FAM117B: variants seen among roughly 807,000 people sequenced by gnomAD.
FAM117B encodes the protein family with sequence similarity 117 member B.
FAM117B carries 22 observed loss-of-function variants against 52.8 expected under a neutral mutation model. The ratio of observed to expected loss-of-function variants is 0.42; its 90% CI spans 0.30 to 0.59. FAM117B has a LOEUF of 0.59. FAM117B is among the 20% of genes least tolerant of loss of function. The probability of loss-of-function intolerance (pLI) is 0.22; values close to 1 mark genes in which losing one functional copy is unlikely to be tolerated. For synonymous variants in FAM117B, 309 were observed against 324.1 expected, an observed-to-expected ratio of 0.95 and a Z score of 0.50; for missense variants, 678 against 802.6, an observed-to-expected ratio of 0.84 and a Z score of 1.88.
chr2:202,737,612 T>G (rs1691460481), intron 4 of FAM117B, among the ~76,000 whole-genome samples: 1 of 152,132 alleles, frequency 6.6e-6, no homozygotes, highest in Admixed American at 6.6e-5. Context: ...TTTAACTTTT[T>G]TTTTTTTGAG....
At chr2:202,664,607 C>A (rs1192190987) in intron 1 of FAM117B, among the ~76,000 whole-genome samples, 1 of 152,022 alleles carries the variant, frequency 6.6e-6, no homozygotes, top group Non-Finnish European at 1.5e-5. Flanking sequence ...AAGATAGGGT[C>A]CAACAGGGCA....
intron 1 of FAM117B, among the ~76,000 whole-genome samples, chr2:202,657,001 C>T (rs1690065215): frequency 6.6e-6 from 1 of 152,158 alleles, no homozygotes; most frequent in African/African-American, 2.4e-5. Flanking sequence ...TTTTACTATC[C>T]TTTCTATAAT....
At chr2:202,699,449 GAA>G (rs59522030) in intron 2 of FAM117B, among the ~76,000 whole-genome samples, 1,070 of 100,016 alleles carry the variant, frequency 0.011, 14 homozygotes, top group African/African-American at 0.036. Context: ...AAAAAAAAAA[GAA>G]AAAAAAAAAA....
intron 1 of FAM117B, among the ~76,000 whole-genome samples, chr2:202,643,211 G>A (rs1230442913): frequency 1.3e-5 from 2 of 152,106 alleles, no homozygotes; most frequent in Admixed American, 1.3e-4. Flanking sequence ...TACAGGATGT[G>A]GAAAACTTCA....
intron 1 of FAM117B, among the ~76,000 whole-genome samples, chr2:202,666,668 C>CTT (rs1157457357): frequency 0.036 from 4,552 of 125,756 alleles, 360 homozygotes; most frequent in African/African-American, 0.13. Context: ...CGTTTCATTT[C>CTT]TTTTTTTTTT....
intron 4 of FAM117B, among the ~76,000 whole-genome samples, chr2:202,747,931 C>A (rs1691659194): frequency 6.6e-6 from 1 of 152,046 alleles, no homozygotes; most frequent in Admixed American, 6.6e-5. Context: ...TGTTAAAGTA[C>A]CAATGACATT....
At chr2:202,749,378 C>G (rs1691686223) in intron 4 of FAM117B, among the ~76,000 whole-genome samples, 3 of 149,834 alleles carry the variant, frequency 2.0e-5, no homozygotes, top group South Asian at 4.5e-4. Context: ...AATTATGCAA[C>G]TATAAAAATG....
intron 1 of FAM117B, among the ~76,000 whole-genome samples, chr2:202,668,830 C>T (rs1242498934): frequency 6.6e-6 from 1 of 151,978 alleles, no homozygotes; most frequent in Non-Finnish European, 1.5e-5. Context: ...AATACTCAGT[C>T]CAAGAGAACT....
At chr2:202,714,530 TTTC>T (rs1691009299) in intron 2 of FAM117B, among the ~76,000 whole-genome samples, 1 of 139,920 alleles carries the variant, frequency 7.1e-6, no homozygotes, top group Non-Finnish European at 1.6e-5. Context: ...ATCTTTTTTT[TTTC>T]TTTTTTTTTT....
At chr2:202,742,561 C>A (rs1441825969) in intron 4 of FAM117B, among the ~76,000 whole-genome samples, 5 of 152,088 alleles carry the variant, frequency 3.3e-5, no homozygotes, top group Non-Finnish European at 5.9e-5. Context: ...ATGTAAACAA[C>A]AAAACCATGT....
At chr2:202,694,188 C>CTTTTT (rs757843381) in intron 1 of FAM117B, among the ~76,000 whole-genome samples, 28 of 99,058 alleles carry the variant, frequency 2.8e-4, no homozygotes, top group African/African-American at 4.4e-4. Context: ...AAACCCACTT[C>CTTTTT]TTTTTTTTTT....
chr2:202,636,135 C>T lies in FAM117B; in HGVS notation c.601+347C>T, dbSNP rs1453973425. On this transcript the variant is annotated intron_variant, in intron 1 of 7. Transcript: ENST00000392238. Reference sequence around the variant, plus strand: ...GGAGGAGTCGTTACTGCTTACCCTCCCTTGAGGGTGAGGCTAGGAGTGGTT... The same window carrying T: ...GGAGGAGTCGTTACTGCTTACCCTCTCTTGAGGGTGAGGCTAGGAGTGGTT... Among the ~76,000 whole-genome samples the T allele has an allele frequency of 2.6e-5, 4 of 152,216 alleles. No individual in the cohort carries two copies. The East Asian group carries it at 7.7e-4, about 29-fold the overall frequency.
chr2:202,663,981 A>G (rs1006205520), intron 1 of FAM117B, among the ~76,000 whole-genome samples: 2 of 152,250 alleles, frequency 1.3e-5, no homozygotes, highest in African/African-American at 4.8e-5. Flanking sequence ...TACAAGGTCT[A>G]TGAGGTTAAA....
intron 1 of FAM117B, among the ~76,000 whole-genome samples, chr2:202,685,589 C>A (rs978364422): frequency 1.1e-4 from 17 of 152,108 alleles, no homozygotes; most frequent in African/African-American, 4.1e-4. Context: ...ACTTACATTG[C>A]GTTTGGACAG....
At position 202,717,822 on chromosome 2, in the gene FAM117B, T is replaced by C. The variant is rs576436746; in HGVS notation, c.754-7095T>C. Among the ~76,000 whole-genome samples, 4 of 146,838 alleles carry C rather than the reference T, an allele frequency of 2.7e-5. No homozygotes were observed. The East Asian group carries it at 7.7e-4, about 28-fold the overall frequency. On this transcript the variant is annotated intron_variant, in intron 2 of 7. Coordinates refer to ENST00000392238, the MANE Select transcript of FAM117B (RefSeq NM_173511.4). Reference sequence around the variant, plus strand: ...CTATCTGGCTAATGCTTTTGATTGCTCAAGGCCCTGGGCTCTGCAGTTAGT... The same window carrying C: ...CTATCTGGCTAATGCTTTTGATTGCCCAAGGCCCTGGGCTCTGCAGTTAGT...
chr2:202,685,989 AG>A (rs1406738100), intron 1 of FAM117B, among the ~76,000 whole-genome samples: 2 of 152,240 alleles, frequency 1.3e-5, no homozygotes, highest in African/African-American at 2.4e-5. Context: ...TGAGAAGACA[AG>A]CCAAAAAGAA....
At chr2:202,668,620 TAATAAATAAATAAATA>T (rs60605421) in intron 1 of FAM117B, among the ~76,000 whole-genome samples, 93 of 146,952 alleles carry the variant, frequency 6.3e-4, no homozygotes, top group African/African-American at 2.1e-3. Context: ...ATCTTGTTCC[TAATAAATAAATAAATA>T]AATAAATAAA....
At chr2:202,662,336 C>T (rs1263887444) in intron 1 of FAM117B, among the ~76,000 whole-genome samples, 1 of 151,932 alleles carries the variant, frequency 6.6e-6, no homozygotes, top group South Asian at 2.1e-4. Flanking sequence ...TAAAAAAATT[C>T]GTTTCATAGG....
intron 2 of FAM117B, among the ~76,000 whole-genome samples, chr2:202,716,330 C>T (rs1691056032): frequency 6.6e-6 from 1 of 151,584 alleles, no homozygotes; most frequent in African/African-American, 2.4e-5. Context: ...TGTTTTTATT[C>T]ATGTAGCCAC....
Sources: allele counts gnomAD v4.1 joint callset (sites outside exome capture counted in the v4.1 genomes callset), GRCh38; gene constraint gnomAD v4.1.1; transcripts MANE v1.5; gene names NCBI Gene and HGNC (gene_info 2026-07-23, HGNC 2026-07-21).